Variants in XKR6 observed in about 807,000 individuals in gnomAD.
XKR6 encodes XK related 6, also known as XK-related protein 6.
A neutral mutation model predicts 56.7 loss-of-function variants in XKR6; 22 were observed. The observed-to-expected ratio is 0.39, with a 90% CI of 0.28 to 0.55. The LOEUF is 0.55. Among genes scored for constraint, XKR6 ranks in the 20% least tolerant of loss-of-function variants. The pLI is 0.66. For synonymous variants in XKR6, 524 were observed against 387.8 expected (o/e 1.35, Z -4.13); for missense variants, 852 against 889.0 (o/e 0.96, Z 0.53).
chr8:11,102,647 G>C (rs1586547478), intron 1 of XKR6, among the ~76,000 whole-genome samples: 2 of 152,304 alleles, frequency 1.3e-5, no homozygotes, highest in Non-Finnish European at 2.9e-5. Context: ...ACCAGTGTAA[G>C]TGTGCTAAAA....
intron 1 of XKR6, among the ~76,000 whole-genome samples, chr8:11,115,374 A>G (rs1452830883): frequency 2.0e-5 from 3 of 152,240 alleles, no homozygotes; most frequent in African/African-American, 7.2e-5. Flanking sequence ...TTATTTTAAG[A>G]GTAATTCATT....
intron 1 of XKR6, among the ~76,000 whole-genome samples, chr8:11,010,856 A>G (rs566071176): frequency 6.6e-6 from 1 of 151,404 alleles, no homozygotes; most frequent in South Asian, 2.1e-4. Flanking sequence ...GCTCCCCACC[A>G]CAGTCGTGGT....
chr8:11,091,460 T>TAAAG, intron 1 of XKR6, among the ~76,000 whole-genome samples: 1 of 150,022 alleles, frequency 6.7e-6, no homozygotes, highest in African/African-American at 2.5e-5. Flanking sequence ...AATAAATAGA[T>TAAAG]AGATAGATAA....
intron 1 of XKR6, among the ~76,000 whole-genome samples, chr8:11,127,972 A>T (rs1799910730): frequency 6.6e-6 from 1 of 152,216 alleles, no homozygotes; most frequent in African/African-American, 2.4e-5. Flanking sequence ...TTCACACTAA[A>T]ATTAGACTGC....
intron 1 of XKR6, among the ~76,000 whole-genome samples, chr8:10,976,497 G>A (rs542554228): frequency 1.9e-4 from 29 of 152,180 alleles, no homozygotes; most frequent in East Asian, 1.5e-3. Context: ...GTCCCTCTGC[G>A]CCCCCCGGGT....
intron 1 of XKR6, chr8:11,124,769 A>C (rs1438510512): frequency 6.6e-6 from 1 of 152,100 alleles, no homozygotes; most frequent in African/African-American, 2.4e-5. Flanking sequence ...CATGAGGAAA[A>C]TACAGGGCAC....
rs563446577 is a variant in XKR6, at chr8:11,015,898, G to T, written c.765-91068C>A. Among the ~76,000 whole-genome samples, 413 of 151,214 alleles carry T rather than the reference G, an allele frequency of 2.7e-3. 4 individuals carry two copies. The highest frequency in any genetic ancestry group is 0.027 in the South Asian group (128 of 4,704). On this transcript the variant is annotated intron_variant, in intron 1 of 2. Coordinates refer to ENST00000416569, the MANE Select transcript of XKR6 (RefSeq NM_173683.4). ...CGAGGCGCCCCAAAGGTGGGCGGCG[G>T]TGCCAGCTCAGACCCACGCCTCTGT...
At chr8:10,947,630 G>A (rs1801591519) in intron 1 of XKR6, among the ~76,000 whole-genome samples, 1 of 152,160 alleles carries the variant, frequency 6.6e-6, no homozygotes, top group South Asian at 2.1e-4. Flanking sequence ...AGCCCCCGGG[G>A]CCCTGGACCC....
intron 1 of XKR6, among the ~76,000 whole-genome samples, chr8:11,050,748 G>A (rs1405584047): frequency 1.3e-5 from 2 of 152,042 alleles, no homozygotes; most frequent in African/African-American, 4.8e-5. Flanking sequence ...TCGCTTACAT[G>A]CCCTCTGCCT....
chr8:11,001,267 C>T (rs1299110974), intron 1 of XKR6, among the ~76,000 whole-genome samples: 2 of 146,764 alleles, frequency 1.4e-5, no homozygotes, highest in Non-Finnish European at 2.9e-5. Context: ...TGTTTAGGGC[C>T]AGCTAGTGAA....
intron 1 of XKR6, among the ~76,000 whole-genome samples, chr8:11,096,782 GTCT>G (rs1461037759): frequency 6.6e-6 from 1 of 152,216 alleles, no homozygotes; most frequent in African/African-American, 2.4e-5. Flanking sequence ...CCATGTTGGT[GTCT>G]TCTTATCTTT....
At position 11,035,209 on chromosome 8, in the gene XKR6, G is replaced by A. The variant is rs750209744; in HGVS notation, c.765-110379C>T. 7 of 534,614 alleles carry A rather than the reference G, an allele frequency of 1.3e-5. No individual in the cohort carries two copies. The Middle Eastern group carries it at 9.5e-4, about 72-fold the overall frequency. 33.1% of individuals were successfully genotyped at this position (534,614 alleles called of 1,614,324 possible). A position where few individuals can be genotyped will look rare whatever the true frequency, so the allele number is the denominator to read the frequency against. ...GGTGCAAGCTATCTGGTGGCTGCTC[G>A]GATGATGATGATGACGATGACAACG... On this transcript the variant is annotated intron_variant, in intron 1 of 2. Transcript: ENST00000416569.
chr8:11,006,929 A>G (rs1798383001), intron 1 of XKR6, among the ~76,000 whole-genome samples: 1 of 152,182 alleles, frequency 6.6e-6, no homozygotes, highest in Non-Finnish European at 1.5e-5. Flanking sequence ...CGTGAATATG[A>G]TTGGTCCAAG....
intron 1 of XKR6, among the ~76,000 whole-genome samples, chr8:11,027,426 C>T (rs1798894901): frequency 6.6e-6 from 1 of 152,112 alleles, no homozygotes; most frequent in Non-Finnish European, 1.5e-5. Flanking sequence ...AAATGTGATT[C>T]ACATTTATGG....
chr8:10,903,155 T>G (rs1800089066), intron 2 of XKR6, among the ~76,000 whole-genome samples: 2 of 152,248 alleles, frequency 1.3e-5, no homozygotes, highest in South Asian at 4.1e-4. Flanking sequence ...GGAACTCATC[T>G]GGACCTGTCT....
intron 1 of XKR6, among the ~76,000 whole-genome samples, chr8:11,120,607 C>T (rs1392156192): frequency 6.6e-6 from 1 of 152,108 alleles, no homozygotes; most frequent in African/African-American, 2.4e-5. Flanking sequence ...AATGGCCATA[C>T]TGCCCAAGGT....
intron 1 of XKR6, among the ~76,000 whole-genome samples, chr8:11,191,678 C>G (rs1313234010): frequency 7.1e-6 from 1 of 140,908 alleles, no homozygotes; most frequent in Non-Finnish European, 1.5e-5. Flanking sequence ...GGACAGGACA[C>G]TGGAAAAAAG....
At chr8:11,109,268 T>A (rs1387909272) in intron 1 of XKR6, 1 of 152,236 alleles carries the variant, frequency 6.6e-6, no homozygotes, top group Non-Finnish European at 1.5e-5. Context: ...CATGCCATCA[T>A]CTCCACTACG....
intron 1 of XKR6, among the ~76,000 whole-genome samples, chr8:10,998,300 C>T (rs1268374037): frequency 6.6e-6 from 1 of 152,060 alleles, no homozygotes; most frequent in Non-Finnish European, 1.5e-5. Context: ...CACACACACA[C>T]CTCTTAGTTG....
Sources: allele counts gnomAD v4.1 joint callset (sites outside exome capture counted in the v4.1 genomes callset), GRCh38; gene constraint gnomAD v4.1.1; transcripts MANE v1.5; gene names NCBI Gene and HGNC (gene_info 2026-07-23, HGNC 2026-07-21).